ADGRG2: variants seen among roughly 807,000 people sequenced by gnomAD.
ADGRG2 encodes the protein adhesion G protein-coupled receptor G2, also known as G protein-coupled receptor 64.
In ADGRG2, 26 loss-of-function variants were observed where a neutral mutation model predicts 74.1. The observed-to-expected ratio is 0.35, with a 90% CI of 0.26 to 0.49. The LOEUF is 0.49. Among genes scored for constraint, ADGRG2 ranks in the 20% least tolerant of loss-of-function variants. ADGRG2 has a pLI of 0.99. For missense variants in ADGRG2, 619 were observed against 763.1 expected (o/e 0.81, Z 2.22); for synonymous variants, 296 against 295.2 (o/e 1.00, Z -0.03).
intron 3 of ADGRG2, among the ~76,000 whole-genome samples, chrX:19,061,580 A>C (rs1260889775): frequency 8.9e-6 from 1 of 111,792 alleles, no homozygotes; most frequent in Non-Finnish European, 1.9e-5. Context: ...AATAGCACCA[A>C]AACACACCAA....
chrX:19,006,316 A>C (rs2060229880), intron 20 of ADGRG2, 51 bp from the exon 21 acceptor site: 1 of 875,946 alleles, frequency 1.1e-6, no homozygotes, highest in South Asian at 2.2e-5. Flanking sequence ...ACTAAAAAAA[A>C]AAAAAGCAAA....
upstream of ADGRG2, chrX:19,122,651 G>C (rs2062631159): frequency 9.1e-6 from 1 of 109,791 alleles, no homozygotes. Flanking sequence ...GGTGGGGAGC[G>C]GGCGGGGCGC....
intron 1 of ADGRG2, among the ~76,000 whole-genome samples, chrX:19,110,709 A>AC (rs1207191536): frequency 1.4e-4 from 15 of 109,639 alleles, no homozygotes; most frequent in African/African-American, 4.3e-4. Flanking sequence ...AAACAAACAA[A>AC]AAAAAAAAAC....
chrX:19,069,869 A>G (rs767934783), intron 2 of ADGRG2, among the ~76,000 whole-genome samples: 8 of 112,754 alleles, frequency 7.1e-5, no homozygotes, highest in Non-Finnish European at 1.3e-4. Context: ...CCTGGATGCC[A>G]GACAAAGACC....
chrX:19,120,417 C>T (rs1175142861), intron 1 of ADGRG2, among the ~76,000 whole-genome samples: 1 of 112,184 alleles, frequency 8.9e-6, no homozygotes, highest in Admixed American at 9.5e-5. Flanking sequence ...AATAATTAAG[C>T]TCCTAATAAA....
intron 3 of ADGRG2, among the ~76,000 whole-genome samples, chrX:19,049,924 G>T (rs1051008829): frequency 8.9e-6 from 1 of 111,807 alleles, no homozygotes; most frequent in Non-Finnish European, 1.9e-5. Context: ...GTGCAGAAGT[G>T]CCTGGAAAGG....
rs370493724 is a variant in ADGRG2, at chrX:19,106,869, G to A, written c.-47+15573C>T. On this transcript the variant is annotated intron_variant, in intron 1 of 28. Transcript: ENST00000379869. Reference sequence around the variant, plus strand: ...CGGGAGGTGGAGGTTGCAGTGAGCCGAGATCATGCCACTGCACTCCAGCCT... The same window carrying A: ...CGGGAGGTGGAGGTTGCAGTGAGCCAAGATCATGCCACTGCACTCCAGCCT... 5.0e-3 allele frequency among the ~76,000 whole-genome samples: 547 copies of A among 109,507 alleles called. 4 individuals are homozygous for A. Among genetic ancestry groups the A allele is most frequent in the African/African-American group, 0.017 (518 of 30,004 alleles).
At position 19,082,058 on chromosome X, in the gene ADGRG2, G is replaced by T. The variant is rs1198931775; in HGVS notation, c.-2+644C>A. Reference sequence around the variant, plus strand: ...ACTGCGCTCCTACCTGGGTGACAGAGGGAGACCCTGTCTCAAAAAAAAAAA... The same window carrying T: ...ACTGCGCTCCTACCTGGGTGACAGATGGAGACCCTGTCTCAAAAAAAAAAA... On this transcript the variant is annotated intron_variant, in intron 2 of 28. Transcript: ENST00000379869. 3.6e-5 allele frequency among the ~76,000 whole-genome samples: 3 copies of T among 84,469 alleles called. No homozygotes were observed. The Admixed American group carries it at 4.5e-4, about 13-fold the overall frequency. 73.4% of individuals were successfully genotyped at this position (84,469 alleles called of 115,157 possible).
At chrX:19,104,379 T>C (rs1222130619) in intron 1 of ADGRG2, among the ~76,000 whole-genome samples, 2 of 110,680 alleles carry the variant, frequency 1.8e-5, no homozygotes, top group Non-Finnish European at 3.8e-5. Flanking sequence ...GTCCAGAAAA[T>C]CAACTCTGTT....
chrX:19,071,219 C>A (rs1402599378), intron 2 of ADGRG2, among the ~76,000 whole-genome samples: 3 of 111,796 alleles, frequency 2.7e-5, no homozygotes, highest in Admixed American at 9.5e-5. Context: ...GGAGGTGAAT[C>A]TTTCTCCTTC....
Position 19,037,610 on chromosome X carries a change from G to A in ADGRG2, c.181C>T (p.Pro61Ser), listed in dbSNP as rs764157333. 4 of 1,148,321 alleles carry A rather than the reference G, an allele frequency of 3.5e-6. No homozygotes were observed. Among genetic ancestry groups the A allele is most frequent in the African/African-American group, 3.7e-5 (2 of 54,346 alleles). The allele number at this position is 1,148,321 out of a possible 1,213,427, so 94.6% of individuals were successfully genotyped here. Residue 61 changes from proline to serine, a missense_variant, in exon 5 of 29, where the codon CCC becomes TCC. Pro to Ser is a moderately conservative substitution (Grantham distance 74). This residue lies in a region of ADGRG2 where 292 missense variants were observed against 318.0 expected (regional missense o/e 0.92). Transcript: ENST00000379869. ...PAKLSVVSFA[P>S]SSNGTPEVET... is the part of the protein sequence containing the mutation. ...TTGCCTGGAGTACCATTGGAGGAGG[G>A]GGCAAAACTGACAACAGATAATTTA...
chrX:19,023,364 ATT>A (rs1284052306), intron 13 of ADGRG2, 50 bp downstream of exon 13: 3 of 777,849 alleles, frequency 3.9e-6, no homozygotes, highest in Non-Finnish European at 5.6e-6. Context: ...TTAATACTTT[ATT>A]TCTCATAAAT....
intron 1 of ADGRG2, among the ~76,000 whole-genome samples, chrX:19,092,141 C>T (rs1326514929): frequency 1.8e-5 from 2 of 112,066 alleles, no homozygotes; most frequent in Non-Finnish European, 3.8e-5. Context: ...GGCCCTCTGC[C>T]AGCCCAATCC....
At chrX:19,047,521 C>A (rs2061218631) in intron 3 of ADGRG2, among the ~76,000 whole-genome samples, 1 of 112,259 alleles carries the variant, frequency 8.9e-6, no homozygotes, top group African/African-American at 3.2e-5. Context: ...TTTACTTCCA[C>A]CACATTCTTC....
chrX:19,002,878 T>C lies in ADGRG2; in HGVS notation c.2198A>G (p.Lys733Arg). ...LVKVFNTYIR[K>R]YILKFCIVGW... ...GACAATGCAGAATTTAAGGATGTAT[T>C]TTCGGATGTAAGTATTAAATACTTT... Residue 733 changes from lysine (K) to arginine (R), a missense_variant, in exon 24 of 29, where the codon AAA (lysine) becomes AGA (arginine). Lys to Arg is a conservative substitution (Grantham distance 26). Around this residue, in one of 3 missense-constraint regions of ADGRG2, gnomAD observed 221 missense variants for 340.6 expected, o/e 0.65. Transcript: ENST00000379869. 8.3e-7 allele frequency: 1 copy of C among 1,209,648 alleles called. No individual in the cohort carries two copies. The highest frequency in any genetic ancestry group is 1.1e-6 in the Non-Finnish European group (1 of 893,653).
intron 15 of ADGRG2, among the ~76,000 whole-genome samples, chrX:19,018,336 T>G (rs1354174215): frequency 9.1e-6 from 1 of 109,374 alleles, no homozygotes; most frequent in Non-Finnish European, 1.9e-5. Context: ...TCACCCAGGC[T>G]GATCTTGAAC....
chrX:19,011,774 G>A (rs1232916623), intron 16 of ADGRG2, among the ~76,000 whole-genome samples: 1 of 112,081 alleles, frequency 8.9e-6, no homozygotes, highest in Non-Finnish European at 1.9e-5. Flanking sequence ...GAACCCAGGA[G>A]GCAGAGGTTG....
intron 9 of ADGRG2, among the ~76,000 whole-genome samples, chrX:19,029,283 A>T (rs929412949): frequency 7.1e-5 from 8 of 112,324 alleles, no homozygotes; most frequent in Admixed American, 2.8e-4. Context: ...ATCCATTTTT[A>T]AAAATCTTAG....
At chrX:19,096,582 C>T (rs1244510131) in intron 1 of ADGRG2, among the ~76,000 whole-genome samples, 2 of 111,715 alleles carry the variant, frequency 1.8e-5, no homozygotes, top group Non-Finnish European at 3.8e-5. Context: ...ATATTACAAG[C>T]TGCTTTTGGT....
Sources: allele counts gnomAD v4.1 joint callset (sites outside exome capture counted in the v4.1 genomes callset), GRCh38; gene constraint gnomAD v4.1.1; regional missense constraint gnomAD v4.1.1; transcripts MANE v1.5; gene names NCBI Gene and HGNC (gene_info 2026-07-23, HGNC 2026-07-21).